CDC73: variants seen among roughly 807,000 people sequenced by gnomAD.
The protein encoded by CDC73 is parafibromin.
A neutral mutation model predicts 83.7 loss-of-function variants in CDC73; 21 were observed. The ratio of observed to expected loss-of-function variants is 0.25; its 90% CI spans 0.18 to 0.36. CDC73 has a LOEUF of 0.36. CDC73 is among the 10% of genes least tolerant of loss of function. The pLI, the probability that CDC73 is intolerant of heterozygous loss-of-function variation, is 1.00. For missense variants in CDC73, 342 were observed against 653.3 expected, an observed-to-expected ratio of 0.52 and a Z score of 5.19; for synonymous variants, 224 against 212.9, an observed-to-expected ratio of 1.05 and a Z score of -0.45.
chr1:193,220,871 A>ACT (rs1252621695), intron 13 of CDC73, among the ~76,000 whole-genome samples: 1 of 152,166 alleles, frequency 6.6e-6, no homozygotes, highest in Non-Finnish European at 1.5e-5. Context: ...TATAACAGAA[A>ACT]CTGTCAGACT....
chr1:193,232,439 T>C (rs1677676281), intron 13 of CDC73, among the ~76,000 whole-genome samples: 1 of 152,032 alleles, frequency 6.6e-6, no homozygotes. Context: ...ATATAAATTG[T>C]GTGGTGTTAC....
intron 13 of CDC73, 95 bp from the exon 14 acceptor site, chr1:193,232,898 G>T: frequency 9.0e-7 from 1 of 1,110,328 alleles, no homozygotes. Flanking sequence ...AAAAAACTCT[G>T]TCTCAAAAAA....
At chr1:193,244,976 T>C (rs1458128837) in intron 15 of CDC73, among the ~76,000 whole-genome samples, 2 of 152,212 alleles carry the variant, frequency 1.3e-5, no homozygotes, top group African/African-American at 4.8e-5. Context: ...AGACAATGTA[T>C]GTTAGATATA....
chr1:193,234,162 C>G (rs1677708441), intron 14 of CDC73, among the ~76,000 whole-genome samples: 1 of 87,000 alleles, frequency 1.1e-5, no homozygotes, highest in Non-Finnish European at 2.3e-5. Context: ...CTCTCTCTCT[C>G]TCTCTCTCTC....
In CDC73 at chr1:193,238,424, G is replaced by A. The variant is rs75395203; in HGVS notation, c.1417+2068G>A. ...GCTCTGTACTAAAGCTGTTTTCACT[G>A]AAGTCACCAGTGACTCAAATATTGG... On this transcript the variant is annotated intron_variant, in intron 15 of 16. Coordinates refer to ENST00000367435, the MANE Select transcript of CDC73 (RefSeq NM_024529.5). Among the ~76,000 whole-genome samples, 1,441 of 152,184 alleles carry A rather than the reference G, an allele frequency of 9.5e-3. 7 individuals carry two copies. The highest frequency in any genetic ancestry group is 0.016 in the Non-Finnish European group (1,115 of 67,994).
chr1:193,167,730 A>G (rs867242482), intron 10 of CDC73, among the ~76,000 whole-genome samples: 1 of 152,116 alleles, frequency 6.6e-6, no homozygotes, highest in African/African-American at 2.4e-5. Context: ...GAATGTTGCA[A>G]TGAGGGCTTA....
intron 10 of CDC73, among the ~76,000 whole-genome samples, chr1:193,200,123 C>G (rs1352797581): frequency 1.3e-5 from 2 of 151,356 alleles, no homozygotes; most frequent in Non-Finnish European, 2.9e-5. Flanking sequence ...TGCCTGGAGG[C>G]TGAGGTGAGA....
At chr1:193,190,342 C>A (rs746339021) in intron 10 of CDC73, among the ~76,000 whole-genome samples, 1 of 152,168 alleles carries the variant, frequency 6.6e-6, no homozygotes, top group South Asian at 2.1e-4. Flanking sequence ...TTTTTCATTA[C>A]ATAAGGGATT....
chr1:193,242,937 T>TTTC lies in CDC73; in HGVS notation c.1417+6599_1417+6601dup, dbSNP rs764891987. 1.1e-3 allele frequency among the ~76,000 whole-genome samples: 165 copies of TTTC among 151,854 alleles called. 2 individuals are homozygous for TTTC. The highest frequency in any genetic ancestry group is 3.0e-3 in the Admixed American group (46 of 15,256). ...TTCTTACAAAAGAACTTTATTTCTT[T>TTTC]TTCTTCTTCTTCTTCTTCTTTTTTT... On this transcript the variant is annotated intron_variant, in intron 15 of 16. Coordinates refer to ENST00000367435, the MANE Select transcript of CDC73 (RefSeq NM_024529.5).
intron 10 of CDC73, among the ~76,000 whole-genome samples, chr1:193,191,494 T>G (rs746445772): frequency 1.5e-4 from 23 of 152,148 alleles, no homozygotes; most frequent in Non-Finnish European, 2.6e-4. Context: ...TTCAAGTGAT[T>G]CTCCTTCGTC....
chr1:193,243,822 A>G (rs1677903745), intron 15 of CDC73, among the ~76,000 whole-genome samples: 1 of 152,224 alleles, frequency 6.6e-6, no homozygotes. Flanking sequence ...TTATAAAAGC[A>G]AATAAATTAG....
chr1:193,180,629 A>T, intron 10 of CDC73: 1 of 1,614,166 alleles, frequency 6.2e-7, no homozygotes, highest in Non-Finnish European at 8.5e-7. Flanking sequence ...GTTCCAGAAC[A>T]GAAGACAGGA....
chr1:193,207,460 GCGTATTTCAGTC>G, intron 11 of CDC73, among the ~76,000 whole-genome samples: 1 of 152,208 alleles, frequency 6.6e-6, no homozygotes, highest in Non-Finnish European at 1.5e-5. Context: ...GGAGTCCAGG[GCGTATTTCAGTC>G]CTTATCTCAA....
intron 15 of CDC73, among the ~76,000 whole-genome samples, chr1:193,245,168 A>T (rs1340825556): frequency 6.6e-6 from 1 of 152,104 alleles, no homozygotes; most frequent in African/African-American, 2.4e-5. Context: ...TCCTCCTTCT[A>T]GCTATTTGAA....
intron 13 of CDC73, among the ~76,000 whole-genome samples, chr1:193,226,468 CTT>C (rs1677569341): frequency 6.6e-6 from 1 of 152,128 alleles, no homozygotes; most frequent in Non-Finnish European, 1.5e-5. Flanking sequence ...TCATAGATGA[CTT>C]TTATTGCATT....
chr1:193,241,036 G>A (rs1024863245), intron 15 of CDC73, among the ~76,000 whole-genome samples: 1 of 152,094 alleles, frequency 6.6e-6, no homozygotes, highest in African/African-American at 2.4e-5. Flanking sequence ...TCTGTAGCTG[G>A]AGAATTATTC....
rs1435635188 is a variant in CDC73, at chr1:193,254,192, G to A, written c.*3480G>A. On this transcript the variant is annotated 3_prime_UTR_variant, in exon 17 of 17. Coordinates refer to ENST00000367435, the MANE Select transcript of CDC73 (RefSeq NM_024529.5). ...CATATACACATACTTTTTAAAAAAA[G>A]ATTCTTAATAAAGAAATTATTGGTT... Among the ~76,000 whole-genome samples, 1 of 151,682 alleles carries A rather than the reference G, an allele frequency of 6.6e-6. No homozygotes were observed. The highest frequency in any genetic ancestry group is 2.4e-5 in the African/African-American group (1 of 41,312).
At chr1:193,146,973 T>A (rs960809988) in intron 7 of CDC73, among the ~76,000 whole-genome samples, 8 of 152,132 alleles carry the variant, frequency 5.3e-5, no homozygotes, top group African/African-American at 1.7e-4. Flanking sequence ...AAGCCTCTTT[T>A]GACAAATGTA....
At chr1:193,200,909 A>G (rs1677080998) in intron 10 of CDC73, among the ~76,000 whole-genome samples, 1 of 152,216 alleles carries the variant, frequency 6.6e-6, no homozygotes, top group African/African-American at 2.4e-5. Flanking sequence ...AATGGAAATC[A>G]GAGTAGAATG....
Sources: gnomAD v4.1 joint callset for allele counts (sites outside exome capture counted in the v4.1 genomes callset) on GRCh38, gnomAD v4.1.1 for gene constraint, MANE v1.5 for transcripts, NCBI Gene and HGNC (gene_info 2026-07-23, HGNC 2026-07-21) for gene names.